Variants in FOXL1 observed in about 807,000 individuals in gnomAD.
FOXL1 encodes the protein forkhead box protein L1.
FOXL1 carries 2 observed loss-of-function variants against 1.7 expected under a neutral mutation model. That is an observed-to-expected ratio of 1.21 (90% CI 0.49 to 3.80). The LOEUF (loss-of-function observed/expected upper bound fraction) is 3.80, where lower values mean the gene tolerates loss of function less well. FOXL1 is among the 30% of genes most tolerant of loss of function. FOXL1 has a pLI of 0.07. For missense variants in FOXL1, 565 were observed against 495.8 expected, an observed-to-expected ratio of 1.14 and a Z score of -1.32; for synonymous variants, 280 against 229.3, an observed-to-expected ratio of 1.22 and a Z score of -2.00.
rs1373654562 is a variant in FOXL1, at chr16:86,580,329, C to G, written c.*568C>G. ...GGGTGACCCCGGGTTTTCAGGTTTT[C>G]TGAGAGATGTAGGGCCCGATGAGGA... On this transcript the variant is annotated 3_prime_UTR_variant, in exon 1 of 1. Coordinates refer to ENST00000320241, the MANE Select transcript of FOXL1 (RefSeq NM_005250.3). 6.0e-6 allele frequency: 1 copy of G among 167,452 alleles called. No individual in the cohort carries two copies. Among genetic ancestry groups the G allele is most frequent in the African/African-American group, 2.4e-5 (1 of 41,462 alleles). The allele number at this position is 167,452 out of a possible 1,614,324, so 10.4% of individuals were successfully genotyped here.
rs1974393550 is a variant in FOXL1, at chr16:86,580,037, G to A, written c.*276G>A. 1 of 518,362 alleles carries A rather than the reference G, an allele frequency of 1.9e-6. No individual in the cohort carries two copies. Among genetic ancestry groups the A allele is most frequent in the South Asian group, 2.5e-5 (1 of 39,368 alleles). 32.1% of individuals were successfully genotyped at this position (518,362 alleles called of 1,614,324 possible). Reference sequence around the variant, plus strand: ...GGGCCCTGCAGGGACCTCCACCGCGGGAGATTCCTTGACGTTTGACCTGTC... The same window carrying A: ...GGGCCCTGCAGGGACCTCCACCGCGAGAGATTCCTTGACGTTTGACCTGTC... On this transcript the variant is annotated 3_prime_UTR_variant, in exon 1 of 1. Coordinates refer to ENST00000320241, the MANE Select transcript of FOXL1 (RefSeq NM_005250.3).
In FOXL1 at chr16:86,582,976, G is replaced by T. The variant is rs549732841; in HGVS notation, c.*3215G>T. ...GAGAACTTTTCCCTCCGTTCACAAG[G>T]ACAGAGAACTTTACAAAGGACTCTT... On this transcript the variant is annotated 3_prime_UTR_variant, in exon 1 of 1. Coordinates refer to ENST00000320241, the MANE Select transcript of FOXL1 (RefSeq NM_005250.3). Among the ~76,000 whole-genome samples the T allele has an allele frequency of 6.7e-6, 1 of 150,248 alleles. No homozygotes were observed. The highest frequency in any genetic ancestry group is 2.1e-4 in the South Asian group (1 of 4,672).
At position 86,579,521 on chromosome 16, in the gene FOXL1, C is replaced by A; in HGVS notation, c.798C>A (p.Ile266=). 6.2e-7 allele frequency: 1 copy of A among 1,604,336 alleles called. No homozygotes were observed. The highest frequency in any genetic ancestry group is 8.5e-7 in the Non-Finnish European group (1 of 1,175,774). Residue 266 remains isoleucine, a synonymous_variant, in exon 1 of 1, where the codon ATC becomes ATA. Coordinates refer to ENST00000320241, the MANE Select transcript of FOXL1 (RefSeq NM_005250.3). ...CCAAGAGCTTCAGCATAGACAGCAT[C>A]CTGGCGGGAAAGCAGGGCCAGAAGC... ...DKSKSFSIDS[I]LAGKQGQKPP...
In FOXL1 at chr16:86,580,189, T is replaced by C. The variant is rs1343456225; in HGVS notation, c.*428T>C. 5.5e-6 allele frequency: 1 copy of C among 182,724 alleles called. No individual in the cohort carries two copies. Among genetic ancestry groups the C allele is most frequent in the Non-Finnish European group, 1.3e-5 (1 of 77,192 alleles). The allele number at this position is 182,724 out of a possible 1,614,324, so 11.3% of individuals were successfully genotyped here. A position where few individuals can be genotyped will look rare whatever the true frequency, so the allele number is the denominator to read the frequency against. On this transcript the variant is annotated 3_prime_UTR_variant, in exon 1 of 1. Transcript: ENST00000320241. ...GTCCTTTCGACCGGGGACCCCCGTA[T>C]GACCGTCGCCTGCTTCGCTGTTGCC... is the stretch of plus-strand genomic sequence containing the variant.
In FOXL1 at chr16:86,579,910, G is replaced by T; in HGVS notation, c.*149G>T. ...AAGTGTTACCAACCATTGCGCGCAG[G>T]TGGGCGCGCTCGCCTGCCTTCTCCG... On this transcript the variant is annotated 3_prime_UTR_variant, in exon 1 of 1. Transcript: ENST00000320241. 1.3e-6 allele frequency: 1 copy of T among 789,128 alleles called. No individual in the cohort carries two copies. 48.9% of individuals were successfully genotyped at this position (789,128 alleles called of 1,614,324 possible).
rs1471311384 is a variant in FOXL1 at position 86,582,745 on chromosome 16, T to C, written c.*2984T>C. Among the ~76,000 whole-genome samples, 1 of 152,154 alleles carries C rather than the reference T, an allele frequency of 6.6e-6. No individual in the cohort carries two copies. The highest frequency in any genetic ancestry group is 2.4e-5 in the African/African-American group (1 of 41,424). ...TATACCTGAGACTCAGATCAAGTAC[T>C]GAGTCCTTTCACTTTAACCCAAGTA... On this transcript the variant is annotated 3_prime_UTR_variant, in exon 1 of 1. Transcript: ENST00000320241.
chr16:86,579,635 C>T lies in FOXL1; in HGVS notation c.912C>T (p.Leu304=). ...GASLLAASSS[L]RPPFNASLML... ...CGCTCCTGGCCGCCTCCTCCAGCCT[C>T]CGTCCGCCTTTCAACGCTTCCCTGA... The change falls in exon 1 of 1, where the codon CTC becomes CTT. Residue 304 remains leucine, a synonymous_variant. Coordinates refer to ENST00000320241, the MANE Select transcript of FOXL1 (RefSeq NM_005250.3). 6.2e-7 allele frequency: 1 copy of T among 1,613,712 alleles called. No homozygotes were observed. Among genetic ancestry groups the T allele is most frequent in the Non-Finnish European group, 8.5e-7 (1 of 1,180,004 alleles).
rs1458632143 is a variant in FOXL1, at chr16:86,579,240, G to A, written c.517G>A (p.Gly173Arg). The A allele has an allele frequency of 6.6e-7, 1 of 1,517,082 alleles. No individual in the cohort carries two copies. 94.0% of individuals were successfully genotyped at this position (1,517,082 alleles called of 1,614,324 possible). ...QRSAEAQPEA[G>R]SGAGGSGPAI... ...CAGCGCGGAGGCGCAGCCGGAGGCGGGGAGCGGGGCAGGGGGCTCGGGCCC... is the reference window on the plus strand; with the variant it reads ...CAGCGCGGAGGCGCAGCCGGAGGCGAGGAGCGGGGCAGGGGGCTCGGGCCC... The change falls in exon 1 of 1, where the codon GGG becomes AGG. Residue 173 changes from glycine to arginine, a missense_variant. Physicochemically the swap from Gly to Arg is moderately radical, Grantham distance 125. Coordinates refer to ENST00000320241, the MANE Select transcript of FOXL1 (RefSeq NM_005250.3).
In FOXL1 at chr16:86,579,426, C is replaced by T. The variant is rs1401010550; in HGVS notation, c.703C>T (p.Arg235Cys). The change falls in exon 1 of 1, where the codon CGC becomes TGC. Residue 235 changes from arginine (R) to cysteine (C), a missense_variant. Coordinates refer to ENST00000320241, the MANE Select transcript of FOXL1 (RefSeq NM_005250.3). ...GGCCGTGGCGGTCGGCCAGGCAGCG[C>T]GCACAGGGGACGGCCCGGGGTCCCC... is the stretch of plus-strand genomic sequence containing the variant. ...AAAVAVGQAARTGDGPGSPLR... is the reference protein window; with the variant it reads ...AAAVAVGQAACTGDGPGSPLR... 1 of 1,541,910 alleles carries T rather than the reference C, an allele frequency of 6.5e-7. No homozygotes were observed. The highest frequency in any genetic ancestry group is 2.0e-5 in the Admixed American group (1 of 50,214).
At position 86,578,550 on chromosome 16, in the gene FOXL1, A is replaced by G. The variant is rs1974366529; in HGVS notation, c.-174A>G. The G allele has an allele frequency of 1.7e-6, 1 of 588,426 alleles. No individual in the cohort carries two copies. Among genetic ancestry groups the G allele is most frequent in the Admixed American group, 3.0e-5 (1 of 32,950 alleles). The allele number at this position is 588,426 out of a possible 1,614,324, so 36.5% of individuals were successfully genotyped here. ...ACAGCAAACTTACAACAATTATTTA[A>G]CATTTTTAAAGCCATGAAGAAGGGA... is the stretch of plus-strand genomic sequence containing the variant. On this transcript the variant is annotated 5_prime_UTR_variant, in exon 1 of 1. Transcript: ENST00000320241.
At position 86,579,276 on chromosome 16, in the gene FOXL1, C is replaced by T; in HGVS notation, c.553C>T (p.Arg185Cys). 1 of 1,416,518 alleles carries T rather than the reference C, an allele frequency of 7.1e-7. No individual in the cohort carries two copies. Among genetic ancestry groups the T allele is most frequent in the Non-Finnish European group, 9.2e-7 (1 of 1,092,358 alleles). The allele number at this position is 1,416,518 out of a possible 1,614,324, so 87.7% of individuals were successfully genotyped here. Residue 185 changes from arginine to cysteine, a missense_variant, in exon 1 of 1, where the codon CGC becomes TGC. Transcript: ENST00000320241. Reference protein sequence around the residue: ...GAGGSGPAISRLQAAPAGPSP... With the variant: ...GAGGSGPAISCLQAAPAGPSP... ...AGGGGGCTCGGGCCCCGCAATCTCC[C>T]GCCTGCAGGCAGCGCCCGCGGGCCC...
chr16:86,578,592 CGGGGAGAG>C lies in FOXL1; in HGVS notation c.-131_-124del. The C allele has an allele frequency of 2.9e-6, 2 of 687,648 alleles. No individual in the cohort carries two copies. The highest frequency in any genetic ancestry group is 4.8e-6 in the Non-Finnish European group (2 of 412,450). The allele number at this position is 687,648 out of a possible 1,614,324, so 42.6% of individuals were successfully genotyped here. ...AAGAAGGGACAGAGCACGGAGCGGC[CGGGGAGAG>C]CGGCAGAGCCAGAGGCAGAGGCACG... is the stretch of plus-strand genomic sequence containing the variant. On this transcript the variant is annotated 5_prime_UTR_variant, in exon 1 of 1. The change abolishes the stop of an existing upstream ORF in the 5' untranslated region. Transcript: ENST00000320241.
In FOXL1 at chr16:86,579,236, G is replaced by A. The variant is rs1288926389; in HGVS notation, c.513G>A (p.Glu171=). 9.9e-6 allele frequency: 15 copies of A among 1,519,568 alleles called. No homozygotes were observed. The highest frequency in any genetic ancestry group is 2.5e-5 in the East Asian group (1 of 40,606). 94.1% of individuals were successfully genotyped at this position (1,519,568 alleles called of 1,614,324 possible). The change falls in exon 1 of 1, where the codon GAG becomes GAA. Residue 171 remains glutamate, a synonymous_variant. Coordinates refer to ENST00000320241, the MANE Select transcript of FOXL1 (RefSeq NM_005250.3). The part of the protein sequence containing the change: ...THQRSAEAQP[E]AGSGAGGSGP... The stretch of plus-strand genomic sequence containing the variant: ...AGCGCAGCGCGGAGGCGCAGCCGGA[G>A]GCGGGGAGCGGGGCAGGGGGCTCGG...
In FOXL1 at chr16:86,578,805, C is replaced by T. The variant is rs1333710939; in HGVS notation, c.82C>T (p.Leu28Phe). The T allele has an allele frequency of 6.8e-6, 11 of 1,613,418 alleles. No individual in the cohort carries two copies. The highest frequency in any genetic ancestry group is 1.3e-5 in the African/African-American group (1 of 74,938). ...TCTGTACGGTCCCGAGAGACCCGGC[C>T]TCCCTCTGGCCTTCGCCCCCGCGGC... ...LYLYGPERPGLPLAFAPAAAL... is the reference protein window; with the variant it reads ...LYLYGPERPGFPLAFAPAAAL... The change falls in exon 1 of 1, where the codon CTC becomes TTC. Residue 28 changes from leucine to phenylalanine, a missense_variant. Leu to Phe is a conservative substitution (Grantham distance 22, BLOSUM62 0). Transcript: ENST00000320241.
Position 86,579,597 on chromosome 16 carries a change from C to T in FOXL1, c.874C>T (p.Arg292Cys). ...LGGAKPGPGG[R>C]LGASLLAASS... ...GGGTGCCAAGCCTGGGCCCGGCGGC[C>T]GTCTGGGTGCCTCGCTCCTGGCCGC... Residue 292 changes from arginine (R) to cysteine (C), a missense_variant, in exon 1 of 1, where the codon CGT (arginine) becomes TGT (cysteine). Arg to Cys is a radical substitution (Grantham distance 180, BLOSUM62 -3). Coordinates refer to ENST00000320241, the MANE Select transcript of FOXL1 (RefSeq NM_005250.3). The T allele has an allele frequency of 1.2e-6, 2 of 1,613,178 alleles. No individual in the cohort carries two copies. Among genetic ancestry groups the T allele is most frequent in the East Asian group, 2.2e-5 (1 of 44,862 alleles).
rs547447176 is a variant in FOXL1, at chr16:86,581,805, G to C, written c.*2044G>C. ...CGTGTTAGCATCTCAGGAGGCTCTG[G>C]CTTCTGAGGGGTAAACACACAGATG... On this transcript the variant is annotated 3_prime_UTR_variant, in exon 1 of 1. Coordinates refer to ENST00000320241, the MANE Select transcript of FOXL1 (RefSeq NM_005250.3). 5 of 165,650 alleles carry C rather than the reference G, an allele frequency of 3.0e-5. No homozygotes were observed. In the East Asian group the frequency reaches 9.6e-4, roughly 32 times the overall value. The allele number at this position is 165,650 out of a possible 1,614,324, so 10.3% of individuals were successfully genotyped here. A position where few individuals can be genotyped will look rare whatever the true frequency, so the allele number is the denominator to read the frequency against.
rs1260630279 is a variant in FOXL1, at chr16:86,582,663, G to T, written c.*2902G>T. On this transcript the variant is annotated 3_prime_UTR_variant, in exon 1 of 1. Transcript: ENST00000320241. ...CATATATATACATGAATGTGTAGGG[G>T]TGTGTGTGTGTATTTGTTCTGTGTA... is the stretch of plus-strand genomic sequence containing the variant. Among the ~76,000 whole-genome samples, 8 of 151,752 alleles carry T rather than the reference G, an allele frequency of 5.3e-5. No homozygotes were observed. The highest frequency in any genetic ancestry group is 2.0e-4 in the Admixed American group (3 of 15,214).
rs747707854 is a variant in FOXL1, at chr16:86,579,813, C to T, written c.*52C>T. The T allele has an allele frequency of 6.7e-7, 1 of 1,492,354 alleles. No homozygotes were observed. The highest frequency in any genetic ancestry group is 1.2e-5 in the South Asian group (1 of 85,366). 92.4% of individuals were successfully genotyped at this position (1,492,354 alleles called of 1,614,324 possible). On this transcript the variant is annotated 3_prime_UTR_variant, in exon 1 of 1. Coordinates refer to ENST00000320241, the MANE Select transcript of FOXL1 (RefSeq NM_005250.3). ...CGGCCCAGCCTGAGCCTCCGCTGAG[C>T]GAAAGGCCACAGCTCCCACCGGCGG... is the stretch of plus-strand genomic sequence containing the variant.
Position 86,579,859 on chromosome 16 carries a change from G to T in FOXL1, c.*98G>T. On this transcript the variant is annotated 3_prime_UTR_variant, in exon 1 of 1. Coordinates refer to ENST00000320241, the MANE Select transcript of FOXL1 (RefSeq NM_005250.3). The stretch of plus-strand genomic sequence containing the variant: ...GGCGGAGGATTTTAAAATGATCTTT[G>T]CCTGGGTCGGCCTGTGGGTTCAGGG... 4 of 1,188,686 alleles carry T rather than the reference G, an allele frequency of 3.4e-6. No individual in the cohort carries two copies. The highest frequency in any genetic ancestry group is 4.8e-6 in the Non-Finnish European group (4 of 832,680). 73.6% of individuals were successfully genotyped at this position (1,188,686 alleles called of 1,614,324 possible). A position where few individuals can be genotyped will look rare whatever the true frequency, so the allele number is the denominator to read the frequency against.
Sources: gnomAD v4.1 joint callset for allele counts (sites outside exome capture counted in the v4.1 genomes callset) on GRCh38, gnomAD v4.1.1 for gene constraint, MANE v1.5 for transcripts, NCBI Gene and HGNC (gene_info 2026-07-23, HGNC 2026-07-21) for gene names.